NKAIN2: variants seen among roughly 807,000 people sequenced by gnomAD.
The protein encoded by NKAIN2 is sodium/potassium-transporting ATPase subunit beta-1-interacting protein 2.
Under a neutral mutation model 32.6 loss-of-function variants are expected in NKAIN2, and 14 were observed. The ratio of observed to expected loss-of-function variants is 0.43; its 90% confidence interval spans 0.28 to 0.67. NKAIN2 has a LOEUF of 0.67. Ranked by LOEUF, NKAIN2 falls within the 30% of genes least tolerant of loss-of-function variation. The pLI is 0.17. For synonymous variants in NKAIN2, 80 were observed against 87.2 expected (o/e 0.92, Z 0.46); for missense variants, 198 against 258.3 (o/e 0.77, Z 1.60).
At chr6:124,521,139 T>A (rs1350014573) in intron 3 of NKAIN2, among the ~76,000 whole-genome samples, 1 of 152,134 alleles carries the variant, frequency 6.6e-6, no homozygotes, top group Non-Finnish European at 1.5e-5. Context: ...TGTTGCCTCA[T>A]TGCACTGGCT....
chr6:124,210,472 T>A (rs553773388), intron 1 of NKAIN2, among the ~76,000 whole-genome samples: 1 of 151,938 alleles, frequency 6.6e-6, no homozygotes, highest in Admixed American at 6.6e-5. Flanking sequence ...AAGAATGTCA[T>A]CAGCATTTGG....
At chr6:124,373,578 A>C (rs2114337050) in intron 3 of NKAIN2, among the ~76,000 whole-genome samples, 1 of 152,274 alleles carries the variant, frequency 6.6e-6, no homozygotes, top group Non-Finnish European at 1.5e-5. Context: ...AAGAGAGCTG[A>C]GAATTATGCC....
intron 3 of NKAIN2, among the ~76,000 whole-genome samples, chr6:124,565,496 A>G (rs1216999648): frequency 1.3e-5 from 2 of 152,194 alleles, no homozygotes; most frequent in Non-Finnish European, 2.9e-5. Context: ...TAGCTATTTT[A>G]TCTCAATATG....
At chr6:124,313,506 A>C (rs1796808203) in intron 2 of NKAIN2, among the ~76,000 whole-genome samples, 1 of 152,128 alleles carries the variant, frequency 6.6e-6, no homozygotes, top group African/African-American at 2.4e-5. Context: ...TCCCCAGTAC[A>C]GGTGCCTAGG....
chr6:123,979,088 G>A (rs1191932796), intron 1 of NKAIN2, among the ~76,000 whole-genome samples: 1 of 151,976 alleles, frequency 6.6e-6, no homozygotes, highest in Non-Finnish European at 1.5e-5. Context: ...TGTGACTATT[G>A]CCTAATATTA....
chr6:124,623,850 C>T (rs868810739), intron 3 of NKAIN2, among the ~76,000 whole-genome samples: 3 of 152,186 alleles, frequency 2.0e-5, no homozygotes, highest in Middle Eastern at 3.4e-3. Context: ...GCAGGTTTTC[C>T]TGGCCTTTGG....
At chr6:124,737,214 C>T (rs564944643) in intron 4 of NKAIN2, among the ~76,000 whole-genome samples, 2 of 151,994 alleles carry the variant, frequency 1.3e-5, no homozygotes, top group Admixed American at 6.6e-5. Context: ...CCCCATGTGT[C>T]ATGGGAAGGA....
chr6:124,139,223 G>A (rs533312389), intron 1 of NKAIN2, among the ~76,000 whole-genome samples: 1 of 148,770 alleles, frequency 6.7e-6, no homozygotes, highest in East Asian at 2.0e-4. Context: ...CCAGTAGCTG[G>A]GACTACAGGC....
At chr6:124,420,271 T>C (rs1326417009) in intron 3 of NKAIN2, among the ~76,000 whole-genome samples, 1 of 152,218 alleles carries the variant, frequency 6.6e-6, no homozygotes, top group African/African-American at 2.4e-5. Context: ...GTCTTGGCCT[T>C]ACTCTCTGTA....
At chr6:123,905,294 G>A (rs1320642778) in intron 1 of NKAIN2, among the ~76,000 whole-genome samples, 1 of 152,002 alleles carries the variant, frequency 6.6e-6, no homozygotes, top group Non-Finnish European at 1.5e-5. Flanking sequence ...GAGGGGCCTC[G>A]GTGGGTACTG....
intron 3 of NKAIN2, among the ~76,000 whole-genome samples, chr6:124,654,516 AAG>A (rs760742696): frequency 6.6e-6 from 1 of 152,124 alleles, no homozygotes; most frequent in African/African-American, 2.4e-5. Context: ...TAAAATAAAA[AAG>A]AGAGAGAGAA....
rs73770411 is a variant in NKAIN2, at chr6:124,331,709, C to A, written c.193-23558C>A. On this transcript the variant is annotated intron_variant, in intron 2 of 6. Transcript: ENST00000368417. ...CAAGATGTGTCTCTGCTGAGACTTA[C>A]GTTCTATAGACAAAGAGCAGGAAAA... Among the ~76,000 whole-genome samples, 11 of 152,118 alleles carry A rather than the reference C, an allele frequency of 7.2e-5. No individual in the cohort carries two copies. The South Asian group carries it at 2.3e-3, about 32-fold the overall frequency.
chr6:124,701,854 T>C (rs1490853399), intron 4 of NKAIN2, among the ~76,000 whole-genome samples: 1 of 152,116 alleles, frequency 6.6e-6, no homozygotes, highest in Non-Finnish European at 1.5e-5. Context: ...CATGGCCTAA[T>C]AGAACATGTT....
chr6:124,211,522 T>A (rs1791174818), intron 1 of NKAIN2, among the ~76,000 whole-genome samples: 1 of 151,946 alleles, frequency 6.6e-6, no homozygotes, highest in Non-Finnish European at 1.5e-5. Context: ...AAGAGATTAT[T>A]TAAAAGTAAT....
intron 1 of NKAIN2, among the ~76,000 whole-genome samples, chr6:123,947,725 A>G: frequency 6.6e-6 from 1 of 152,162 alleles, no homozygotes; most frequent in Non-Finnish European, 1.5e-5. Context: ...GGTACCTATC[A>G]TCTCGAGCAT....
At chr6:124,449,801 G>T (rs528515937) in intron 3 of NKAIN2, among the ~76,000 whole-genome samples, 1 of 152,190 alleles carries the variant, frequency 6.6e-6, no homozygotes, top group East Asian at 1.9e-4. Context: ...TGATGGTTTG[G>T]AATACTTATA....
chr6:124,765,870 G>A (rs192228282), intron 4 of NKAIN2, among the ~76,000 whole-genome samples: 1 of 152,350 alleles, frequency 6.6e-6, no homozygotes. Context: ...CATAGGAACT[G>A]AGAGGAGGTT....
At chr6:124,000,220 G>T (rs989427903) in intron 1 of NKAIN2, among the ~76,000 whole-genome samples, 2 of 152,002 alleles carry the variant, frequency 1.3e-5, no homozygotes, top group Admixed American at 1.3e-4. Flanking sequence ...AAGAGACTCA[G>T]AATTTCAATT....
chr6:124,483,683 C>A (rs1020527681), intron 3 of NKAIN2, among the ~76,000 whole-genome samples: 4 of 151,976 alleles, frequency 2.6e-5, no homozygotes, highest in Admixed American at 6.6e-5. Context: ...TTAATAAAAT[C>A]ATCTTTTAAA....
Sources: allele counts gnomAD v4.1 joint callset (sites outside exome capture counted in the v4.1 genomes callset), GRCh38; gene constraint gnomAD v4.1.1; transcripts MANE v1.5; gene names NCBI Gene and HGNC (gene_info 2026-07-23, HGNC 2026-07-21).